The following PDE1A variants were observed in gnomAD, a reference collection of about 807,000 sequenced individuals.
PDE1A encodes dual specificity calcium/calmodulin-dependent 3',5'-cyclic nucleotide phosphodiesterase 1A.
Under a neutral mutation model 61.7 loss-of-function variants are expected in PDE1A, and 35 were observed. That is an observed-to-expected ratio of 0.57 (90% CI 0.43 to 0.75). The LOEUF (loss-of-function observed/expected upper bound fraction) is 0.75. Ranked by LOEUF, PDE1A falls within the 30% of genes least tolerant of loss-of-function variation. PDE1A has a pLI of 0.00. For missense variants in PDE1A, 597 were observed against 630.6 expected (o/e 0.95, Z 0.57); for synonymous variants, 232 against 213.2 (o/e 1.09, Z -0.77).
chr2:182,450,867 CTGTT>C (rs149503820), intron 2 of PDE1A, among the ~76,000 whole-genome samples: 5,974 of 152,000 alleles, frequency 0.039, 133 homozygotes, highest in Middle Eastern at 0.075. Flanking sequence ...ACGGCTGGCA[CTGTT>C]TGTTGTATCG....
rs149386329 is a variant in PDE1A, at chr2:182,369,000, G to A, written c.53+57578C>T. 5.7e-4 allele frequency among the ~76,000 whole-genome samples: 86 copies of A among 151,420 alleles called. No individual in the cohort carries two copies. The East Asian group carries it at 0.016, about 28-fold the overall frequency. On this transcript the variant is annotated intron_variant, in intron 1 of 13. Coordinates refer to ENST00000351439, the Ensembl canonical transcript of PDE1A. ...GGTTACTCAACCGGCCTAGTTGTAG[G>A]GAGTTAGACTCGGATAAAAAACTGC...
the PDE1A span, among the ~76,000 whole-genome samples, chr2:182,704,375 G>T: frequency 6.6e-6 from 1 of 152,106 alleles, no homozygotes. Context: ...TAATTGATCT[G>T]GCAGTGAATC....
chr2:182,652,478 A>G, the PDE1A span, among the ~76,000 whole-genome samples: 1 of 152,172 alleles, frequency 6.6e-6, no homozygotes, highest in Non-Finnish European at 1.5e-5. Context: ...GATCAAAGAC[A>G]TACAATAGAG....
At chr2:182,675,664 T>C in the PDE1A span, among the ~76,000 whole-genome samples, 1 of 152,354 alleles carries the variant, frequency 6.6e-6, no homozygotes, top group African/African-American at 2.4e-5. Context: ...TGGTATTACA[T>C]GGTATCTCAT....
intron 1 of PDE1A, among the ~76,000 whole-genome samples, chr2:182,396,606 T>C (rs1240328710): frequency 6.6e-6 from 1 of 152,242 alleles, no homozygotes; most frequent in Non-Finnish European, 1.5e-5. Flanking sequence ...TATCTTCATT[T>C]TATTTCCTTT....
the PDE1A span, among the ~76,000 whole-genome samples, chr2:182,561,084 G>T: frequency 0.66 from 87,058 of 132,900 alleles, 30,879 homozygotes; most frequent in East Asian, 0.94. Context: ...GTCAATTTTG[G>T]CTTTTGTTGC....
intron 13 of PDE1A, among the ~76,000 whole-genome samples, chr2:182,174,521 G>C (rs1374855098): frequency 6.6e-6 from 1 of 151,988 alleles, no homozygotes; most frequent in Non-Finnish European, 1.5e-5. Flanking sequence ...ACTGTTTCTT[G>C]CATTTATTTG....
chr2:182,488,842 G>T (rs1688192020), intron 2 of PDE1A, among the ~76,000 whole-genome samples: 1 of 152,184 alleles, frequency 6.6e-6, no homozygotes. Flanking sequence ...GATGCTATTT[G>T]TCCAGTCAAC....
the PDE1A span, among the ~76,000 whole-genome samples, chr2:182,620,765 A>G: frequency 6.6e-6 from 1 of 152,182 alleles, no homozygotes; most frequent in Non-Finnish European, 1.5e-5. Flanking sequence ...TTCTATTTTA[A>G]GCACCATTTC....
chr2:182,167,320 C>T (rs1691701775), downstream of PDE1A, among the ~76,000 whole-genome samples: 1 of 152,186 alleles, frequency 6.6e-6, no homozygotes, highest in African/African-American at 2.4e-5. Context: ...ACATTCTTTA[C>T]TGAGAAGTAA....
the PDE1A span, among the ~76,000 whole-genome samples, chr2:182,534,006 A>T: frequency 1.1e-3 from 167 of 152,226 alleles, no homozygotes; most frequent in Non-Finnish European, 1.6e-3. Context: ...TATAAAATAC[A>T]TATTATTGTA....
At chr2:182,174,575 T>C (rs1692551941) in intron 13 of PDE1A, among the ~76,000 whole-genome samples, 1 of 152,056 alleles carries the variant, frequency 6.6e-6, no homozygotes, top group African/African-American at 2.4e-5. Flanking sequence ...AAGGGCAAAT[T>C]CACTATTCAT....
intron 2 of PDE1A, among the ~76,000 whole-genome samples, chr2:182,450,834 T>C (rs1488643771): frequency 6.6e-6 from 1 of 151,808 alleles, no homozygotes; most frequent in East Asian, 1.9e-4. Flanking sequence ...ATACTGACTA[T>C]AAAGGGAAAA....
intron 1 of PDE1A, among the ~76,000 whole-genome samples, chr2:182,362,257 T>C (rs2125175041): frequency 6.6e-6 from 1 of 151,956 alleles, no homozygotes. Flanking sequence ...AAGAAGGATG[T>C]CCCCCAGGCC....
At chr2:182,192,984 GT>G (rs1685833515) in intron 10 of PDE1A, among the ~76,000 whole-genome samples, 1 of 151,884 alleles carries the variant, frequency 6.6e-6, no homozygotes, top group African/African-American at 2.4e-5. Context: ...GTTTTGCTTT[GT>G]TTTTGTTTTT....
intron 1 of PDE1A, among the ~76,000 whole-genome samples, chr2:182,406,373 TAAA>T (rs34640250): frequency 1.3e-5 from 2 of 149,156 alleles, no homozygotes; most frequent in Admixed American, 6.7e-5. Flanking sequence ...TGGCTCACAG[TAAA>T]AAAAAAAAAA....
At chr2:182,404,587 TTC>T (rs1702198109) in intron 1 of PDE1A, among the ~76,000 whole-genome samples, 1 of 152,246 alleles carries the variant, frequency 6.6e-6, no homozygotes, top group Non-Finnish European at 1.5e-5. Context: ...CAAAAATATT[TTC>T]TTTCTTTATG....
At chr2:182,248,116 G>C (rs1691118867) in intron 2 of PDE1A, among the ~76,000 whole-genome samples, 1 of 152,010 alleles carries the variant, frequency 6.6e-6, no homozygotes, top group African/African-American at 2.4e-5. Flanking sequence ...ATTTAGCTGG[G>C]TGTGGTGGTG....
chr2:182,539,652 G>GA, the PDE1A span, among the ~76,000 whole-genome samples: 1 of 152,020 alleles, frequency 6.6e-6, no homozygotes, highest in Non-Finnish European at 1.5e-5. Flanking sequence ...ATTTTGCCAG[G>GA]AAAAAAACGT....
Sources: allele counts gnomAD v4.1 joint callset (sites outside exome capture counted in the v4.1 genomes callset), GRCh38; gene constraint gnomAD v4.1.1; transcripts MANE v1.5; gene names NCBI Gene and HGNC (gene_info 2026-07-23, HGNC 2026-07-21).